The following GLRA2 variants were observed in gnomAD, a reference collection of about 807,000 sequenced individuals.
GLRA2 encodes the protein glycine receptor alpha 2.
A neutral mutation model predicts 31.6 loss-of-function variants in GLRA2; 11 were observed. The observed-to-expected ratio is 0.35, with a 90% CI of 0.22 to 0.58. The LOEUF (loss-of-function observed/expected upper bound fraction) is 0.58. GLRA2 is among the 20% of genes least tolerant of loss of function. The pLI is 0.84. For synonymous variants in GLRA2, 132 were observed against 134.0 expected (o/e 0.99, Z 0.10); for missense variants, 212 against 351.8 (o/e 0.60, Z 3.18).
At chrX:14,724,809 T>C (rs1357547924) in intron 8 of GLRA2, among the ~76,000 whole-genome samples, 1 of 111,289 alleles carries the variant, frequency 9.0e-6, no homozygotes, top group African/African-American at 3.3e-5. Context: ...AATGACACTT[T>C]GACAGTTTTA....
chrX:14,528,082 A>C (rs1013733440), upstream of GLRA2, among the ~76,000 whole-genome samples: 5 of 112,342 alleles, frequency 4.5e-5, no homozygotes, highest in African/African-American at 9.7e-5. Flanking sequence ...ACTGGGATAG[A>C]CATCTTATGA....
intron 2 of GLRA2, among the ~76,000 whole-genome samples, chrX:14,572,727 C>T (rs2089899898): frequency 8.9e-6 from 1 of 111,739 alleles, no homozygotes; most frequent in Non-Finnish European, 1.9e-5. Flanking sequence ...ATGGTGGTGC[C>T]TGTTATTCTG....
the GLRA2 span, among the ~76,000 whole-genome samples, chrX:14,504,001 A>G: frequency 8.9e-6 from 1 of 111,800 alleles, no homozygotes; most frequent in Admixed American, 9.5e-5. Flanking sequence ...GCTGTAAGCT[A>G]CAATCCTAAA....
chrX:14,601,108 A>G (rs1364700108), intron 4 of GLRA2, among the ~76,000 whole-genome samples: 2 of 110,921 alleles, frequency 1.8e-5, no homozygotes, highest in Non-Finnish European at 3.8e-5. Flanking sequence ...TCAAAAAAAC[A>G]AAGTCTTTAT....
the GLRA2 span, among the ~76,000 whole-genome samples, chrX:14,524,112 A>G: frequency 6.2e-5 from 7 of 112,303 alleles, no homozygotes; most frequent in Admixed American, 1.9e-4. Context: ...ATAAATCTTC[A>G]GTTTGTAAAA....
intron 7 of GLRA2, among the ~76,000 whole-genome samples, chrX:14,662,835 C>T (rs964021604): frequency 2.7e-5 from 3 of 111,913 alleles, no homozygotes; most frequent in African/African-American, 3.2e-5. Flanking sequence ...TTCAAATCAA[C>T]TTTTGTGTTC....
chrX:14,586,444 T>C (rs1406223875), intron 4 of GLRA2, among the ~76,000 whole-genome samples: 3 of 112,401 alleles, frequency 2.7e-5, no homozygotes, highest in Non-Finnish European at 5.6e-5. Context: ...CATTAATTAT[T>C]GATCATCTCT....
chrX:14,505,300 T>C, the GLRA2 span, among the ~76,000 whole-genome samples: 1 of 112,121 alleles, frequency 8.9e-6, no homozygotes, highest in African/African-American at 3.2e-5. Context: ...TAAGAAAAGA[T>C]CTGGGAACTG....
the GLRA2 span, among the ~76,000 whole-genome samples, chrX:14,491,260 A>G: frequency 9.0e-6 from 1 of 111,695 alleles, no homozygotes; most frequent in Non-Finnish European, 1.9e-5. Context: ...CAAAAATAGG[A>G]TCATATTTTT....
At chrX:14,575,256 A>C (rs1447669594) in intron 3 of GLRA2, among the ~76,000 whole-genome samples, 1 of 105,449 alleles carries the variant, frequency 9.5e-6, no homozygotes, top group African/African-American at 3.5e-5. Flanking sequence ...GCTGGAGTGC[A>C]GTGGCACGAT....
the GLRA2 span, among the ~76,000 whole-genome samples, chrX:14,486,690 A>G: frequency 3.6e-5 from 4 of 111,824 alleles, no homozygotes; most frequent in Admixed American, 2.9e-4. Context: ...TGTCAAATAT[A>G]ATTATTGCCA....
intron 8 of GLRA2, among the ~76,000 whole-genome samples, chrX:14,728,811 T>A (rs2091957651): frequency 8.9e-6 from 1 of 112,679 alleles, no homozygotes. Flanking sequence ...AAATCTGTTC[T>A]GCCTTGCAGG....
At chrX:14,653,065 C>A (rs1220239714) in intron 7 of GLRA2, among the ~76,000 whole-genome samples, 1 of 110,592 alleles carries the variant, frequency 9.0e-6, no homozygotes, top group Non-Finnish European at 1.9e-5. Context: ...AAAAAAGATT[C>A]TTTTCAAAAT....
At chrX:14,488,421 G>C in the GLRA2 span, among the ~76,000 whole-genome samples, 1 of 111,853 alleles carries the variant, frequency 8.9e-6, no homozygotes, top group Non-Finnish European at 1.9e-5. Context: ...GGATGGCCCT[G>C]CTAGGAGCTA....
At chrX:14,449,566 C>T in the GLRA2 span, among the ~76,000 whole-genome samples, 1 of 112,282 alleles carries the variant, frequency 8.9e-6, no homozygotes, top group Admixed American at 9.3e-5. Context: ...TCCCACATAA[C>T]TAGGGTGCAC....
intron 4 of GLRA2, among the ~76,000 whole-genome samples, chrX:14,591,782 T>C (rs369829813): frequency 1.8e-5 from 2 of 112,217 alleles, no homozygotes; most frequent in Non-Finnish European, 1.9e-5. Flanking sequence ...ATGAAATACA[T>C]GGCAGCTAGC....
At chrX:14,547,106 G>A (rs1220392410) in intron 2 of GLRA2, among the ~76,000 whole-genome samples, 2 of 111,446 alleles carry the variant, frequency 1.8e-5, no homozygotes, top group Non-Finnish European at 3.8e-5. Context: ...GACTTTAGAT[G>A]GGTGATGTGG....
chrX:14,496,126 T>C, the GLRA2 span, among the ~76,000 whole-genome samples: 1 of 111,139 alleles, frequency 9.0e-6, no homozygotes, highest in African/African-American at 3.3e-5. Flanking sequence ...AAAGAATGCA[T>C]AGATTGTAGG....
intron 2 of GLRA2, among the ~76,000 whole-genome samples, chrX:14,553,990 G>T (rs1441933791): frequency 8.9e-6 from 1 of 112,038 alleles, no homozygotes; most frequent in Non-Finnish European, 1.9e-5. Context: ...CTAAATCCTT[G>T]ACTCGAGGAG....
Sources: gnomAD v4.1 joint callset for allele counts (sites outside exome capture counted in the v4.1 genomes callset) on GRCh38, gnomAD v4.1.1 for gene constraint, MANE v1.5 for transcripts, NCBI Gene and HGNC (gene_info 2026-07-23, HGNC 2026-07-21) for gene names.